Variants in RUSC2 observed in about 807,000 individuals in gnomAD.
RUSC2 encodes AP-4 complex accessory subunit RUSC2.
RUSC2 carries 34 observed loss-of-function variants against 122.2 expected under a neutral mutation model. The ratio of observed to expected loss-of-function variants is 0.28; its 90% CI spans 0.21 to 0.37. RUSC2 has a LOEUF of 0.37. RUSC2 is among the 10% of genes least tolerant of loss of function. The pLI is 1.00. For missense variants in RUSC2, 1,747 were observed against 1,952.4 expected, an observed-to-expected ratio of 0.89 and a Z score of 1.98; for synonymous variants, 784 against 790.0, an observed-to-expected ratio of 0.99 and a Z score of 0.13.
Position 35,547,377 on chromosome 9 carries a change from A to G in RUSC2, c.856A>G (p.Thr286Ala). Residue 286 changes from threonine to alanine, a missense_variant, in exon 2 of 12, where the codon ACC becomes GCC. Physicochemically the swap from Thr to Ala is moderately conservative, Grantham distance 58. Transcript: ENST00000361226. The surrounding 1 kb of genome is among the most constrained non-coding windows in gnomAD (Gnocchi z 4.6). ...SSDGVLVTFS[T>A]LYNKMHGTPR... ...AGATGGTGTGCTGGTCACCTTCAGCACCCTCTACAACAAGATGCATGGCAC... is the reference window on the plus strand; with the variant it reads ...AGATGGTGTGCTGGTCACCTTCAGCGCCCTCTACAACAAGATGCATGGCAC... 6.2e-7 allele frequency: 1 copy of G among 1,614,046 alleles called. No homozygotes were observed.
intron 1 of RUSC2, among the ~76,000 whole-genome samples, chr9:35,531,025 C>T (rs1200339016): frequency 1.3e-5 from 2 of 151,800 alleles, no homozygotes; most frequent in African/African-American, 4.8e-5. Flanking sequence ...TTTTGGAGGC[C>T]GAGGCGGGTG....
rs573893384 is a variant in RUSC2 at position 35,546,572 on chromosome 9, C to A, written c.51C>A (p.Ile17=). The change falls in exon 2 of 12, where the codon ATC becomes ATA. Residue 17 remains isoleucine, a synonymous_variant. Coordinates refer to ENST00000361226, the MANE Select transcript of RUSC2 (RefSeq NM_014806.5). This position sits in a 1 kb window ranked among gnomAD's most constrained non-coding sequence, Gnocchi z 4.3. ...GAGAGACCCTCATCGTTCATCACAT[C>A]CCCCTGGTGCACTGCCAAGTCCCAG... is the stretch of plus-strand genomic sequence containing the variant. The part of the protein sequence containing the change: ...LTGETLIVHH[I]PLVHCQVPDR... The A allele has an allele frequency of 6.7e-7, 1 of 1,494,118 alleles. No individual in the cohort carries two copies. Among genetic ancestry groups the A allele is most frequent in the African/African-American group, 1.4e-5 (1 of 71,074 alleles). The allele number at this position is 1,494,118 out of a possible 1,614,324, so 92.6% of individuals were successfully genotyped here.
chr9:35,552,982 G>T (rs932424160), intron 2 of RUSC2, among the ~76,000 whole-genome samples: 1 of 152,170 alleles, frequency 6.6e-6, no homozygotes, highest in Non-Finnish European at 1.5e-5. Flanking sequence ...GACATACTTT[G>T]TATAGGGGGT....
At chr9:35,495,597 GA>G (rs1164709651) in intron 1 of RUSC2, among the ~76,000 whole-genome samples, 2 of 152,024 alleles carry the variant, frequency 1.3e-5, no homozygotes, top group African/African-American at 4.8e-5. Context: ...GGAAAATCAA[GA>G]ATGTAAGTCC....
At position 35,528,933 on chromosome 9, in the gene RUSC2, T is replaced by A. The variant is rs191675993; in HGVS notation, c.-92-17497T>A. On this transcript the variant is annotated intron_variant, in intron 1 of 11. Coordinates refer to ENST00000361226, the MANE Select transcript of RUSC2 (RefSeq NM_014806.5). Reference sequence around the variant, plus strand: ...AGACCCCCATCTTTAAAAAAATTTTTAAAAAAAAATTGTAAAAAGTTTAAA... The same window carrying A: ...AGACCCCCATCTTTAAAAAAATTTTAAAAAAAAAATTGTAAAAAGTTTAAA... Among the ~76,000 whole-genome samples the A allele has an allele frequency of 1.0e-3, 151 of 151,594 alleles. 2 individuals carry two copies. Among genetic ancestry groups the A allele is most frequent in the Admixed American group, 4.4e-3 (67 of 15,182 alleles).
At position 35,560,169 on chromosome 9, in the gene RUSC2, C is replaced by T. The variant is rs781023461; in HGVS notation, c.3529C>T (p.Arg1177Trp). The T allele has an allele frequency of 5.7e-5, 92 of 1,607,488 alleles. No homozygotes were observed. Among genetic ancestry groups the T allele is most frequent in the South Asian group, 6.6e-5 (6 of 91,090 alleles). ...CAGCCTCGACTTGCTGTTCCAGCAC[C>T]GGCTGCTGCAAAGTGGGCAGCAGCA... is the stretch of plus-strand genomic sequence containing the variant. ...PFSLDLLFQH[R>W]LLQSGQQQRQ... The change falls in exon 10 of 12, where the codon CGG (arginine) becomes TGG (tryptophan). Residue 1177 changes from arginine (R) to tryptophan (W), a missense_variant. Coordinates refer to ENST00000361226, the MANE Select transcript of RUSC2 (RefSeq NM_014806.5).
intron 1 of RUSC2, among the ~76,000 whole-genome samples, chr9:35,519,648 G>C (rs1463239781): frequency 6.6e-6 from 1 of 152,146 alleles, no homozygotes; most frequent in Admixed American, 6.5e-5. Flanking sequence ...GATTTTGCCT[G>C]CCACTTCCCT....
chr9:35,493,899 A>C (rs771557271), intron 1 of RUSC2, among the ~76,000 whole-genome samples: 1 of 152,134 alleles, frequency 6.6e-6, no homozygotes, highest in African/African-American at 2.4e-5. Context: ...GGTTGCATCT[A>C]TCTTTTGGCT....
In RUSC2 at chr9:35,556,127, C is replaced by G; in HGVS notation, c.2832C>G (p.Cys944Trp). The G allele has an allele frequency of 1.2e-6, 2 of 1,614,072 alleles. No homozygotes were observed. The highest frequency in any genetic ancestry group is 2.2e-5 in the South Asian group (2 of 91,076). ...GSLSAASHLN[C>W]RLNGQAVKPL... ...TCAGTGCTGCCAGCCATCTGAACTG[C>G]CGGCTGAATGGTGTGTGAGCAGGGT... The change falls in exon 4 of 12, where the codon TGC (cysteine) becomes TGG (tryptophan). Residue 944 changes from cysteine to tryptophan, a missense_variant. Physicochemically the swap from Cys to Trp is radical, Grantham distance 215. Transcript: ENST00000361226.
intron 1 of RUSC2, among the ~76,000 whole-genome samples, chr9:35,533,962 G>T (rs1160245335): frequency 6.6e-6 from 1 of 152,038 alleles, no homozygotes; most frequent in Non-Finnish European, 1.5e-5. Context: ...TTTGTTTCTC[G>T]TAGGTATATA....
intron 1 of RUSC2, among the ~76,000 whole-genome samples, chr9:35,495,563 T>C (rs931739107): frequency 3.3e-5 from 5 of 152,058 alleles, no homozygotes; most frequent in African/African-American, 1.2e-4. Context: ...ACTGTTTTGA[T>C]TACTGTAGCT....
At chr9:35,524,560 A>G (rs1425498637) in intron 1 of RUSC2, among the ~76,000 whole-genome samples, 1 of 152,186 alleles carries the variant, frequency 6.6e-6, no homozygotes, top group East Asian at 1.9e-4. Flanking sequence ...AAAGTGATAA[A>G]ATGACCTCAT....
chr9:35,498,998 G>A (rs1262894132), intron 1 of RUSC2, among the ~76,000 whole-genome samples: 1 of 151,676 alleles, frequency 6.6e-6, no homozygotes, highest in Admixed American at 6.6e-5. Flanking sequence ...AATGTTAACA[G>A]TAGTGAGGCC....
At chr9:35,523,604 C>T (rs1821259960) in intron 1 of RUSC2, among the ~76,000 whole-genome samples, 2 of 151,938 alleles carry the variant, frequency 1.3e-5, no homozygotes, top group Non-Finnish European at 2.9e-5. Flanking sequence ...TCCTTGAGCC[C>T]AGGAGTTTGA....
intron 1 of RUSC2, among the ~76,000 whole-genome samples, chr9:35,536,372 T>G (rs375747343): frequency 6.1e-4 from 93 of 152,354 alleles, no homozygotes; most frequent in African/African-American, 2.1e-3. Context: ...GGAGTTGCTC[T>G]GGGTCTGGTA....
chr9:35,497,930 T>C (rs1406079821), intron 1 of RUSC2, among the ~76,000 whole-genome samples: 1 of 152,188 alleles, frequency 6.6e-6, no homozygotes, highest in Admixed American at 6.5e-5. Context: ...ATAGGAAAAT[T>C]ATACATGTAC....
At chr9:35,542,804 A>G (rs1450384448) in intron 1 of RUSC2, among the ~76,000 whole-genome samples, 1 of 152,184 alleles carries the variant, frequency 6.6e-6, no homozygotes, top group Admixed American at 6.5e-5. Flanking sequence ...TGTGTTCTTC[A>G]TCTCTGATTT....
At chr9:35,492,060 A>G (rs909574088) in intron 1 of RUSC2, among the ~76,000 whole-genome samples, 5 of 152,088 alleles carry the variant, frequency 3.3e-5, no homozygotes, top group Non-Finnish European at 5.9e-5. Flanking sequence ...TTTTAACAGT[A>G]TCTTTTTAAT....
chr9:35,536,253 C>T (rs1433213954), intron 1 of RUSC2, among the ~76,000 whole-genome samples: 1 of 152,170 alleles, frequency 6.6e-6, no homozygotes, highest in African/African-American at 2.4e-5. Flanking sequence ...TATTGATCCC[C>T]GTTTTTTGTG....
Sources: gnomAD v4.1 joint callset for allele counts (sites outside exome capture counted in the v4.1 genomes callset) on GRCh38, gnomAD v4.1.1 for gene constraint, Gnocchi (gnomAD v3.1) non-coding constraint, MANE v1.5 for transcripts, NCBI Gene and HGNC (gene_info 2026-07-23, HGNC 2026-07-21) for gene names.